The following KIAA1586 variants were observed in gnomAD, a reference collection of about 807,000 sequenced individuals.
KIAA1586 encodes the protein KIAA1586, also known as E3 SUMO-protein ligase KIAA1586.
Under a neutral mutation model 6.1 loss-of-function variants are expected in KIAA1586, and 5 were observed. The observed-to-expected ratio is 0.82, with a 90% CI of 0.43 to 1.73. KIAA1586 has a LOEUF of 1.73. Among genes scored for constraint, KIAA1586 ranks in the 40% most tolerant of loss-of-function variants. KIAA1586 has a pLI of 0.02. For synonymous variants in KIAA1586, 280 were observed against 301.7 expected (o/e 0.93, Z 0.75); for missense variants, 899 against 878.2 (o/e 1.02, Z -0.30).
At chr6:57,059,545 C>T (rs1036143655), downstream of KIAA1586, among the ~76,000 whole-genome samples, 4 of 147,748 alleles carry the variant, frequency 2.7e-5, no homozygotes, top group African/African-American at 5.0e-5. Flanking sequence ...GAGCCGAGAT[C>T]GTGCCACTGC....
At chr6:57,060,823 A>T in the KIAA1586 span, among the ~76,000 whole-genome samples, 1 of 152,030 alleles carries the variant, frequency 6.6e-6, no homozygotes, top group African/African-American at 2.4e-5. Context: ...TTATTTATTT[A>T]TTTTTATTAT....
intron 2 of KIAA1586, among the ~76,000 whole-genome samples, chr6:57,047,997 A>G (rs1828226445): frequency 6.7e-6 from 1 of 149,624 alleles, no homozygotes; most frequent in Non-Finnish European, 1.5e-5. Flanking sequence ...CTGCAGACCT[A>G]CCGAATCAGA....
At chr6:57,060,981 C>CTTT in the KIAA1586 span, among the ~76,000 whole-genome samples, 1 of 138,324 alleles carries the variant, frequency 7.2e-6, no homozygotes, top group Non-Finnish European at 1.6e-5. Flanking sequence ...TATGTTCCGC[C>CTTT]TTTTTTTTTT....
chr6:57,058,498 A>G (rs1043970326), downstream of KIAA1586, among the ~76,000 whole-genome samples: 2 of 152,206 alleles, frequency 1.3e-5, no homozygotes, highest in East Asian at 3.8e-4. Flanking sequence ...GTTAACTCCA[A>G]GATTTTCTTC....
the KIAA1586 span, among the ~76,000 whole-genome samples, chr6:57,061,513 C>T: frequency 3.3e-5 from 5 of 152,152 alleles, no homozygotes; most frequent in South Asian, 2.1e-4. Flanking sequence ...CTGCCTCAGT[C>T]TCCCAAGTAG....
chr6:57,065,944 C>T, the KIAA1586 span, among the ~76,000 whole-genome samples: 101 of 152,020 alleles, frequency 6.6e-4, no homozygotes, highest in East Asian at 0.015. Context: ...TGGGAAATTT[C>T]CTTAAATGTA....
In KIAA1586 at chr6:57,052,684, A is replaced by G. The variant is rs754766714; in HGVS notation, c.187-2A>G. The G allele has an allele frequency of 1.9e-6, 3 of 1,539,404 alleles. No homozygotes were observed. Among genetic ancestry groups the G allele is most frequent in the Non-Finnish European group, 1.7e-6 (2 of 1,145,056 alleles). Reference sequence around the variant, plus strand: ...ACTTACATATGTAAAATTATTTTTCAGATTCTGTTTCCTAAAATGCCAAAA... The same window carrying G: ...ACTTACATATGTAAAATTATTTTTCGGATTCTGTTTCCTAAAATGCCAAAA... On this transcript the variant is annotated splice_acceptor_variant, in intron 3 of 3. Coordinates refer to ENST00000370733, the MANE Select transcript of KIAA1586 (RefSeq NM_020931.4). LOFTEE classifies it high-confidence loss of function.
At position 57,053,453 on chromosome 6, in the gene KIAA1586, T is replaced by A. The variant is rs1319794856; in HGVS notation, c.954T>A (p.Ile318=). Residue 318 remains isoleucine, a synonymous_variant, in exon 4 of 4, where the codon ATT becomes ATA. Transcript: ENST00000370733. ...IEENAKICII[I]DEASTVSKKT... ...AGAATGCCAAAATCTGTATCATAAT[T>A]GATGAGGCATCTACAGTTTCAAAGA... 2.5e-6 allele frequency: 4 copies of A among 1,611,456 alleles called. No individual in the cohort carries two copies. The highest frequency in any genetic ancestry group is 2.5e-6 in the Non-Finnish European group (3 of 1,178,798).
chr6:57,050,542 C>T (rs1471566296), intron 2 of KIAA1586, among the ~76,000 whole-genome samples: 3 of 150,924 alleles, frequency 2.0e-5, no homozygotes, highest in Non-Finnish European at 4.4e-5. Context: ...TCTTGAACTT[C>T]TGGGCTCAAG....
the KIAA1586 span, among the ~76,000 whole-genome samples, chr6:57,060,556 C>T: frequency 1.3e-5 from 2 of 152,152 alleles, no homozygotes; most frequent in African/African-American, 4.8e-5. Flanking sequence ...CTTTTACTGG[C>T]TCCCCACTTT....
At position 57,052,863 on chromosome 6, in the gene KIAA1586, C is replaced by T. The variant is rs1562570398; in HGVS notation, c.364C>T (p.Leu122Phe). ...ACCAATCATTGAAGAAAAGCCATCA[C>T]TTTCATCAAAGAAAGAAATAGATAA... ...EQPIIEEKPS[L>F]SSKKEIDNLV... The change falls in exon 4 of 4, where the codon CTT (leucine) becomes TTT (phenylalanine). Residue 122 changes from leucine (L) to phenylalanine (F), a missense_variant. Leu to Phe is a conservative substitution (Grantham distance 22). Transcript: ENST00000370733. 3.1e-6 allele frequency: 5 copies of T among 1,612,796 alleles called. No homozygotes were observed. Among genetic ancestry groups the T allele is most frequent in the Non-Finnish European group, 4.2e-6 (5 of 1,179,558 alleles).
At chr6:57,050,749 G>A (rs369211785) in intron 2 of KIAA1586, 25 bp from the exon 3 acceptor site, 3 of 1,523,336 alleles carry the variant, frequency 2.0e-6, no homozygotes, top group East Asian at 2.3e-5. Flanking sequence ...TTCATGACTT[G>A]TAAATTTGCC....
the KIAA1586 span, among the ~76,000 whole-genome samples, chr6:57,061,903 A>G: frequency 4.0e-5 from 6 of 151,726 alleles, no homozygotes; most frequent in Non-Finnish European, 5.9e-5. Flanking sequence ...TTATAGCTCT[A>G]TAATTATTTT....
the KIAA1586 span, among the ~76,000 whole-genome samples, chr6:57,065,508 A>C: frequency 1.5e-5 from 2 of 135,950 alleles, no homozygotes; most frequent in African/African-American, 2.9e-5. Flanking sequence ...TTTTTTTTTG[A>C]GTCAGTCTTG....
chr6:57,049,979 TTGTA>T (rs1828278170), intron 2 of KIAA1586, among the ~76,000 whole-genome samples: 1 of 152,036 alleles, frequency 6.6e-6, no homozygotes, highest in Non-Finnish European at 1.5e-5. Context: ...TTAAAAAAAA[TTGTA>T]CTATGAAATC....
At chr6:57,048,307 T>G (rs1321208768) in intron 2 of KIAA1586, among the ~76,000 whole-genome samples, 1 of 152,208 alleles carries the variant, frequency 6.6e-6, no homozygotes, top group Non-Finnish European at 1.5e-5. Flanking sequence ...TGTCTAATGT[T>G]TCTGTGTTTT....
At chr6:57,061,257 T>C in the KIAA1586 span, among the ~76,000 whole-genome samples, 4 of 152,300 alleles carry the variant, frequency 2.6e-5, no homozygotes, top group African/African-American at 7.2e-5. Context: ...ATTACAGGCA[T>C]GAGCCACCGC....
At chr6:57,051,835 G>A (rs928631727) in intron 3 of KIAA1586, among the ~76,000 whole-genome samples, 1 of 152,132 alleles carries the variant, frequency 6.6e-6, no homozygotes, top group Non-Finnish European at 1.5e-5. Flanking sequence ...TTAGCCAGGT[G>A]TCGTGGCACG....
the KIAA1586 span, among the ~76,000 whole-genome samples, chr6:57,066,041 C>G: frequency 4.4e-4 from 66 of 151,362 alleles, no homozygotes; most frequent in African/African-American, 1.5e-3. Context: ...CTTTGGGAGG[C>G]TGAGGTGGGT....
Sources: allele counts gnomAD v4.1 joint callset (sites outside exome capture counted in the v4.1 genomes callset), GRCh38; gene constraint gnomAD v4.1.1; transcripts MANE v1.5; gene names NCBI Gene and HGNC (gene_info 2026-07-23, HGNC 2026-07-21).